DNMT1: variants seen among roughly 807,000 people sequenced by gnomAD.
The protein encoded by DNMT1 is DNA (cytosine-5)-methyltransferase 1.
In DNMT1, 24 loss-of-function variants were observed where a neutral mutation model predicts 205.3. The observed-to-expected ratio is 0.12, with a 90% CI of 0.08 to 0.16. The LOEUF (loss-of-function observed/expected upper bound fraction) is 0.16. Among genes scored for constraint, DNMT1 ranks in the 10% least tolerant of loss-of-function variants. DNMT1 has a pLI of 1.00. For missense variants in DNMT1, 1,293 were observed against 2,177.7 expected, an observed-to-expected ratio of 0.59 and a Z score of 8.09; for synonymous variants, 817 against 839.8, an observed-to-expected ratio of 0.97 and a Z score of 0.47.
intron 8 of DNMT1, among the ~76,000 whole-genome samples, chr19:10,173,393 T>C (rs1013522933): frequency 4.6e-5 from 7 of 152,176 alleles, no homozygotes; most frequent in Admixed American, 2.0e-4. Context: ...AACAGGAGAA[T>C]TCTACTTGAA....
At chr19:10,182,371 G>A (rs947105908) in intron 1 of DNMT1, among the ~76,000 whole-genome samples, 1 of 144,994 alleles carries the variant, frequency 6.9e-6, no homozygotes, top group Non-Finnish European at 1.5e-5. Context: ...GTGTGTGTGT[G>A]TGTATATATA....
At chr19:10,177,466 G>T in intron 5 of DNMT1, 99 bp from the exon 6 acceptor site, 1 of 1,186,824 alleles carries the variant, frequency 8.4e-7, no homozygotes. Context: ...AGCTATTGCA[G>T]GAAGCCAGGT....
At chr19:10,178,794 C>T (rs1387079228) in intron 5 of DNMT1, 2 of 151,178 alleles carry the variant, frequency 1.3e-5, no homozygotes, top group African/African-American at 2.4e-5. Context: ...GAGAACCAGA[C>T]CTGAGCTCAA....
chr19:10,142,912 C>T (rs2089630841), intron 29 of DNMT1: 1 of 156,056 alleles, frequency 6.4e-6, no homozygotes, highest in Non-Finnish European at 1.4e-5. Context: ...TTTCTCTCAC[C>T]TGTACCACTC....
At chr19:10,136,435 G>T in intron 37 of DNMT1, 148 bp from the exon 38 acceptor site, 1 of 979,156 alleles carries the variant, frequency 1.0e-6, no homozygotes, top group Non-Finnish European at 1.5e-6. Flanking sequence ...CGTTCTCTGG[G>T]CACTGTTTTT....
At chr19:10,175,878 C>A (rs1185665387) in intron 6 of DNMT1, among the ~76,000 whole-genome samples, 1 of 152,186 alleles carries the variant, frequency 6.6e-6, no homozygotes, top group Non-Finnish European at 1.5e-5. Flanking sequence ...TCCATAAAGT[C>A]AGCCTCAGAC....
chr19:10,192,348 T>C (rs1424983257), intron 1 of DNMT1, among the ~76,000 whole-genome samples: 2 of 152,090 alleles, frequency 1.3e-5, no homozygotes, highest in Non-Finnish European at 2.9e-5. Context: ...TTATGTGCCA[T>C]GCATATTCTC....
chr19:10,137,295 G>A lies in DNMT1; in HGVS notation c.4294-15C>T. 6.3e-7 allele frequency: 1 copy of A among 1,595,478 alleles called. No homozygotes were observed. The highest frequency in any genetic ancestry group is 1.1e-5 in the South Asian group (1 of 88,248). ...GCACTCATGTCCTGAAAGAGTGTGG[G>A]GGGCCCAGCTGTCACCTCATGTGAG... On this transcript the variant is annotated splice_polypyrimidine_tract_variant and intron_variant, in intron 36 of 40. Coordinates refer to ENST00000359526, the MANE Select transcript of DNMT1 (RefSeq NM_001130823.3). The surrounding 1 kb of genome is among the most constrained non-coding windows in gnomAD (Gnocchi z 6.4).
intron 27 of DNMT1, among the ~76,000 whole-genome samples, chr19:10,147,431 T>A (rs536126989): frequency 6.6e-6 from 1 of 151,066 alleles, no homozygotes; most frequent in African/African-American, 2.4e-5. Flanking sequence ...GCCAACACGG[T>A]GAAGCCCTGT....
intron 27 of DNMT1, among the ~76,000 whole-genome samples, chr19:10,148,225 G>C (rs1419526297): frequency 6.6e-6 from 1 of 151,078 alleles, no homozygotes; most frequent in Non-Finnish European, 1.5e-5. Flanking sequence ...GGACAGGTGT[G>C]GTGGCTCACG....
At chr19:10,189,961 G>A (rs1033101807) in intron 1 of DNMT1, among the ~76,000 whole-genome samples, 11 of 152,036 alleles carry the variant, frequency 7.2e-5, no homozygotes, top group African/African-American at 2.7e-4. Context: ...CCTTTTTATA[G>A]ATGAAACACC....
At chr19:10,194,726 C>G in intron 1 of DNMT1, 94 bp downstream of exon 1, 2 of 1,472,498 alleles carry the variant, frequency 1.4e-6, no homozygotes, top group Admixed American at 2.3e-5. Flanking sequence ...GCCCGTCTGT[C>G]AGCAGCGGCC....
intron 7 of DNMT1, among the ~76,000 whole-genome samples, chr19:10,175,035 CAAAA>C (rs372794191): frequency 1.8e-5 from 2 of 110,556 alleles, no homozygotes; most frequent in African/African-American, 6.7e-5. Flanking sequence ...AACCCTGTCT[CAAAA>C]AAAAAAAAAA....
chr19:10,166,192 G>A (rs2038689743), intron 11 of DNMT1, among the ~76,000 whole-genome samples: 2 of 152,170 alleles, frequency 1.3e-5, no homozygotes, highest in Admixed American at 6.6e-5. Context: ...CTAGACTGGG[G>A]AGGCTGGCAG....
At position 10,186,574 on chromosome 19, in the gene DNMT1, C is replaced by T. The variant is rs990396891; in HGVS notation, c.81-4497G>A. Among the ~76,000 whole-genome samples, 42 of 152,084 alleles carry T rather than the reference C, an allele frequency of 2.8e-4. 1 individual carries two copies. The highest frequency in any genetic ancestry group is 5.9e-5 in the Non-Finnish European group (4 of 68,034). On this transcript the variant is annotated intron_variant, in intron 1 of 40. Coordinates refer to ENST00000359526, the MANE Select transcript of DNMT1 (RefSeq NM_001130823.3). ...AAACAGCTGGCCAGGCACGGTGGCTCATGCCTGTAATCCCAGCACTTTGGG... is the reference window on the plus strand; with the variant it reads ...AAACAGCTGGCCAGGCACGGTGGCTTATGCCTGTAATCCCAGCACTTTGGG...
chr19:10,180,655 AT>A (rs982239122), intron 3 of DNMT1, 86 bp from the exon 4 acceptor site: 22 of 1,445,314 alleles, frequency 1.5e-5, no homozygotes, highest in Middle Eastern at 1.7e-4. Context: ...CTTCATCATC[AT>A]CATCATCATC....
intron 29 of DNMT1, 142 bp from the exon 30 acceptor site, chr19:10,142,362 CAGTT>C: frequency 1.7e-6 from 2 of 1,147,136 alleles, no homozygotes; most frequent in Non-Finnish European, 2.5e-6. Context: ...AAGACCCCCT[CAGTT>C]AGGGAACTGC....
chr19:10,174,039 T>G (rs1292441433), intron 7 of DNMT1, 134 bp from the exon 8 acceptor site: 3 of 881,420 alleles, frequency 3.4e-6, no homozygotes, highest in African/African-American at 1.7e-5. Context: ...GGGGCCTGGG[T>G]TTTGGGGAGA....
chr19:10,141,313 G>A, intron 30 of DNMT1, 124 bp from the exon 31 acceptor site: 1 of 913,890 alleles, frequency 1.1e-6, no homozygotes, highest in Non-Finnish European at 1.8e-6. Context: ...TGACCAATTA[G>A]CCACCAATAA....
Sources: gnomAD v4.1 joint callset for allele counts (sites outside exome capture counted in the v4.1 genomes callset) on GRCh38, gnomAD v4.1.1 for gene constraint, Gnocchi (gnomAD v3.1) non-coding constraint, MANE v1.5 for transcripts, NCBI Gene and HGNC (gene_info 2026-07-23, HGNC 2026-07-21) for gene names.